Variants in RETREG1 observed in about 807,000 individuals in gnomAD.
The protein encoded by RETREG1 is family with sequence similarity 134 member B.
RETREG1 carries 44 observed loss-of-function variants against 54.8 expected under a neutral mutation model. The observed-to-expected ratio is 0.80, with a 90% CI of 0.63 to 1.03. The LOEUF (loss-of-function observed/expected upper bound fraction) is 1.03. RETREG1 is among the 50% of genes least tolerant of loss of function. The probability of loss-of-function intolerance (pLI) is 0.00; values close to 1 mark genes in which losing one functional copy is unlikely to be tolerated. For synonymous variants in RETREG1, 217 were observed against 238.5 expected (o/e 0.91, Z 0.83); for missense variants, 554 against 605.1 (o/e 0.92, Z 0.89).
intron 3 of RETREG1, among the ~76,000 whole-genome samples, chr5:16,487,925 G>A (rs1047892400): frequency 6.6e-6 from 1 of 152,186 alleles, no homozygotes; most frequent in African/African-American, 2.4e-5. Context: ...TACATTGGGA[G>A]GTCTGGCCAA....
At chr5:16,572,243 C>T (rs1343179662) in intron 1 of RETREG1, 141 bp from the exon 2 acceptor site, 10 of 645,572 alleles carry the variant, frequency 1.5e-5, no homozygotes, top group East Asian at 1.5e-4. Context: ...GACAGAGTCT[C>T]GCTCTGTTGC....
intron 1 of RETREG1, among the ~76,000 whole-genome samples, chr5:16,601,760 G>A (rs1261238814): frequency 6.6e-6 from 1 of 152,134 alleles, no homozygotes; most frequent in Non-Finnish European, 1.5e-5. Context: ...GTTTCCAGCT[G>A]AGACTGTTCA....
intron 1 of RETREG1, among the ~76,000 whole-genome samples, chr5:16,573,154 C>G (rs1315743282): frequency 7.9e-6 from 1 of 126,128 alleles, no homozygotes; most frequent in African/African-American, 3.0e-5. Context: ...TGCACTCCAG[C>G]CTGGTGAGAG....
At chr5:16,488,714 C>G (rs1739119788) in intron 3 of RETREG1, among the ~76,000 whole-genome samples, 1 of 152,180 alleles carries the variant, frequency 6.6e-6, no homozygotes, top group Non-Finnish European at 1.5e-5. Context: ...GGGTAGAATA[C>G]TCAGAAGGGT....
At chr5:16,576,068 A>T (rs1742308648) in intron 1 of RETREG1, among the ~76,000 whole-genome samples, 1 of 152,160 alleles carries the variant, frequency 6.6e-6, no homozygotes, top group African/African-American at 2.4e-5. Context: ...AGGAATTTTT[A>T]AAAAGTTTTT....
At chr5:16,577,628 T>A (rs1248931090) in intron 1 of RETREG1, among the ~76,000 whole-genome samples, 1 of 152,144 alleles carries the variant, frequency 6.6e-6, no homozygotes, top group Non-Finnish European at 1.5e-5. Flanking sequence ...TTCCCTAGTG[T>A]CCTCTAAAGG....
At chr5:16,560,771 T>A (rs1741832725) in intron 3 of RETREG1, among the ~76,000 whole-genome samples, 1 of 152,240 alleles carries the variant, frequency 6.6e-6, no homozygotes, top group African/African-American at 2.4e-5. Context: ...AATAAAGTGT[T>A]CTTTAATTTT....
At chr5:16,507,467 G>T (rs980650257) in intron 3 of RETREG1, among the ~76,000 whole-genome samples, 1 of 152,168 alleles carries the variant, frequency 6.6e-6, no homozygotes, top group Non-Finnish European at 1.5e-5. Flanking sequence ...TTCTTAACCA[G>T]CTAGTTAACC....
chr5:16,478,920 A>C lies in RETREG1; in HGVS notation c.738T>G (p.Ile246Met), dbSNP rs1738650337. ...AATCCAGTTTCAGCAGAACTGACTT[A>C]ATTTTGCTGTAAATTTTTTGTCCAA... ...NDIGQKIYSKIKSVLLKLDFG... is the reference protein window; with the variant it reads ...NDIGQKIYSKMKSVLLKLDFG... The change falls in exon 6 of 9, where the codon ATT becomes ATG. Residue 246 changes from isoleucine (I) to methionine (M), a missense_variant. Transcript: ENST00000306320. The C allele has an allele frequency of 2.3e-5, 37 of 1,612,176 alleles. No individual in the cohort carries two copies. Among genetic ancestry groups the C allele is most frequent in the Non-Finnish European group, 3.1e-5 (36 of 1,178,740 alleles).
At chr5:16,507,065 T>C (rs1739989077) in intron 3 of RETREG1, among the ~76,000 whole-genome samples, 2 of 152,234 alleles carry the variant, frequency 1.3e-5, no homozygotes, top group Admixed American at 1.3e-4. Context: ...AAAATTCTTA[T>C]GTTTGTTCAG....
chr5:16,573,969 A>T (rs1445324114), intron 1 of RETREG1, among the ~76,000 whole-genome samples: 1 of 150,940 alleles, frequency 6.6e-6, no homozygotes, highest in Non-Finnish European at 1.5e-5. Context: ...CTGGTCTCAA[A>T]CTCCTGACTT....
intron 1 of RETREG1, among the ~76,000 whole-genome samples, chr5:16,610,898 A>G (rs1241644040): frequency 3.3e-5 from 5 of 152,140 alleles, no homozygotes; most frequent in East Asian, 1.9e-4. Flanking sequence ...CAGCCATCCC[A>G]TTACTGGGTA....
chr5:16,518,864 C>A (rs539719329), intron 3 of RETREG1, among the ~76,000 whole-genome samples: 1 of 152,226 alleles, frequency 6.6e-6, no homozygotes, highest in South Asian at 2.1e-4. Flanking sequence ...CATCTTCACC[C>A]TTCCATAGCC....
At chr5:16,569,287 CTTTTTT>C (rs59365372) in intron 2 of RETREG1, among the ~76,000 whole-genome samples, 4 of 140,798 alleles carry the variant, frequency 2.8e-5, no homozygotes, top group African/African-American at 1.1e-4. Context: ...CCATTTCTTT[CTTTTTT>C]TTTTTTTTTT....
At chr5:16,569,422 C>G (rs1240651) in intron 2 of RETREG1, among the ~76,000 whole-genome samples, 67,810 of 151,732 alleles carry the variant, frequency 0.45, 15,258 homozygotes, top group African/African-American at 0.5. Flanking sequence ...TCTGCCTCGA[C>G]AGAGGTCTGG....
chr5:16,563,282 A>C (rs917787458), intron 3 of RETREG1, among the ~76,000 whole-genome samples: 4 of 152,140 alleles, frequency 2.6e-5, no homozygotes, highest in Admixed American at 2.6e-4. Context: ...TTTTAAGACA[A>C]GGTCTCGCTC....
intron 2 of RETREG1, among the ~76,000 whole-genome samples, chr5:16,570,321 A>ATTCATG (rs1742141727): frequency 6.6e-6 from 1 of 152,238 alleles, no homozygotes; most frequent in African/African-American, 2.4e-5. Flanking sequence ...CATGAATATC[A>ATTCATG]AGCCCATGAG....
chr5:16,612,796 A>G (rs1052021712), intron 1 of RETREG1, among the ~76,000 whole-genome samples: 8 of 151,482 alleles, frequency 5.3e-5, no homozygotes, highest in Admixed American at 4.6e-4. Context: ...AAGAATGCAT[A>G]TGTGTGTGTG....
chr5:16,491,006 AT>A (rs1331454398), intron 3 of RETREG1, among the ~76,000 whole-genome samples: 4 of 152,202 alleles, frequency 2.6e-5, no homozygotes, highest in Non-Finnish European at 4.4e-5. Context: ...CCACAAAGTG[AT>A]TCCATAATCA....
Sources: gnomAD v4.1 joint callset for allele counts (sites outside exome capture counted in the v4.1 genomes callset) on GRCh38, gnomAD v4.1.1 for gene constraint, MANE v1.5 for transcripts, NCBI Gene and HGNC (gene_info 2026-07-23, HGNC 2026-07-21) for gene names.